SSBP2: variants seen among roughly 807,000 people sequenced by gnomAD.
The protein encoded by SSBP2 is single stranded DNA binding protein 2.
In SSBP2, 17 loss-of-function variants were observed where a neutral mutation model predicts 61.8. That is an observed-to-expected ratio of 0.28 (90% CI 0.19 to 0.41). SSBP2 has a LOEUF of 0.41. Among genes scored for constraint, SSBP2 ranks in the 10% least tolerant of loss-of-function variants. SSBP2 has a pLI of 1.00. For synonymous variants in SSBP2, 139 were observed against 141.3 expected, an observed-to-expected ratio of 0.98 and a Z score of 0.12; for missense variants, 310 against 458.7, an observed-to-expected ratio of 0.68 and a Z score of 2.96.
intron 4 of SSBP2, among the ~76,000 whole-genome samples, chr5:81,576,512 T>A (rs900887699): frequency 2.0e-5 from 3 of 152,068 alleles, no homozygotes; most frequent in Non-Finnish European, 4.4e-5. Context: ...ATCGCCTAGA[T>A]AATAAAAAGG....
chr5:81,694,990 ACT>A (rs768523681), intron 1 of SSBP2, among the ~76,000 whole-genome samples: 3 of 152,088 alleles, frequency 2.0e-5, no homozygotes, highest in Non-Finnish European at 4.4e-5. Context: ...ACAGAGCAAG[ACT>A]CTGCCTCTAA....
intron 5 of SSBP2, among the ~76,000 whole-genome samples, chr5:81,500,176 G>A (rs1417607659): frequency 1.3e-5 from 2 of 152,112 alleles, no homozygotes; most frequent in Admixed American, 1.3e-4. Context: ...TCTGAACTAT[G>A]TAAGATGGTA....
chr5:81,672,495 GA>G (rs1751652309), intron 1 of SSBP2, among the ~76,000 whole-genome samples: 1 of 151,306 alleles, frequency 6.6e-6, no homozygotes, highest in African/African-American at 2.4e-5. Flanking sequence ...ATCAACAAAT[GA>G]AAGAGAAAAA....
At chr5:81,615,681 A>G (rs1280220000) in intron 3 of SSBP2, 124 bp from the exon 4 acceptor site, 2 of 616,974 alleles carry the variant, frequency 3.2e-6, no homozygotes, top group African/African-American at 3.8e-5. Context: ...ACAGATATCT[A>G]TCTGAAAGAC....
intron 15 of SSBP2, 93 bp from the exon 16 acceptor site, chr5:81,428,776 G>T: frequency 1.2e-6 from 1 of 803,434 alleles, no homozygotes; most frequent in Non-Finnish European, 2.0e-6. Flanking sequence ...GCATCCCTAA[G>T]GACAAAGCAT....
chr5:81,727,502 T>A (rs1258865761), intron 1 of SSBP2, among the ~76,000 whole-genome samples: 1 of 151,918 alleles, frequency 6.6e-6, no homozygotes, highest in Non-Finnish European at 1.5e-5. Flanking sequence ...TGAGCTGAGA[T>A]CGCACCATTG....
At chr5:81,517,896 G>A (rs1769158284) in intron 4 of SSBP2, among the ~76,000 whole-genome samples, 1 of 151,774 alleles carries the variant, frequency 6.6e-6, no homozygotes. Flanking sequence ...TTGGTCTCTG[G>A]TAGGGAAAAA....
chr5:81,738,548 A>C (rs1288159014), intron 1 of SSBP2, among the ~76,000 whole-genome samples: 1 of 152,044 alleles, frequency 6.6e-6, no homozygotes, highest in Non-Finnish European at 1.5e-5. Context: ...TCTCAAACTA[A>C]ACTCATCATC....
chr5:81,736,910 GTTA>G (rs1756660565), intron 1 of SSBP2, among the ~76,000 whole-genome samples: 1 of 152,166 alleles, frequency 6.6e-6, no homozygotes, highest in South Asian at 2.1e-4. Flanking sequence ...AGAGTGGGCA[GTTA>G]TTAATTTAGT....
intron 1 of SSBP2, among the ~76,000 whole-genome samples, chr5:81,656,791 G>A (rs138148913): frequency 7.9e-5 from 12 of 151,420 alleles, no homozygotes; most frequent in African/African-American, 2.7e-4. Context: ...AATGAATGTA[G>A]CAAAAACTTT....
intron 9 of SSBP2, 75 bp downstream of exon 9, chr5:81,466,899 G>T: frequency 1.1e-6 from 1 of 914,146 alleles, no homozygotes; most frequent in South Asian, 2.4e-5. Flanking sequence ...TTACTAAATA[G>T]AATAATATGG....
At chr5:81,731,803 G>A (rs113582677) in intron 1 of SSBP2, among the ~76,000 whole-genome samples, 1 of 146,156 alleles carries the variant, frequency 6.8e-6, no homozygotes, top group Non-Finnish European at 1.5e-5. Flanking sequence ...AAACAGAATT[G>A]TCTTTTATTA....
rs538854803 is a variant in SSBP2, at chr5:81,710,182, G to A, written c.62+40799C>T. Among the ~76,000 whole-genome samples the A allele has an allele frequency of 2.6e-5, 4 of 152,150 alleles. No homozygotes were observed. The East Asian group carries it at 5.8e-4, about 22-fold the overall frequency. Reference sequence around the variant, plus strand: ...ACTGGCAAGCTTATAGGACACAATGGTAACCATGGTCCAATTATAATGGGT... The same window carrying A: ...ACTGGCAAGCTTATAGGACACAATGATAACCATGGTCCAATTATAATGGGT... On this transcript the variant is annotated intron_variant, in intron 1 of 16. Coordinates refer to ENST00000320672, the MANE Select transcript of SSBP2 (RefSeq NM_012446.5).
At chr5:81,643,097 G>A (rs1748936233) in intron 2 of SSBP2, among the ~76,000 whole-genome samples, 1 of 152,102 alleles carries the variant, frequency 6.6e-6, no homozygotes. Context: ...CTGCCATCAG[G>A]AGACACTAGC....
intron 6 of SSBP2, among the ~76,000 whole-genome samples, chr5:81,484,679 G>T (rs1053523684): frequency 6.6e-6 from 1 of 151,980 alleles, no homozygotes; most frequent in Admixed American, 6.6e-5. Flanking sequence ...ATATTAAACA[G>T]ATACATTTTA....
At chr5:81,623,818 T>C (rs1746872452) in intron 3 of SSBP2, among the ~76,000 whole-genome samples, 1 of 152,192 alleles carries the variant, frequency 6.6e-6, no homozygotes, top group Non-Finnish European at 1.5e-5. Context: ...ATTTCTATGT[T>C]TGCCTTTATG....
chr5:81,704,431 A>T (rs957447180), intron 1 of SSBP2, among the ~76,000 whole-genome samples: 1 of 152,184 alleles, frequency 6.6e-6, no homozygotes, highest in South Asian at 2.1e-4. Flanking sequence ...GCATACAGGC[A>T]CACATGCTCG....
intron 4 of SSBP2, among the ~76,000 whole-genome samples, chr5:81,523,573 T>G (rs1769668535): frequency 6.6e-6 from 1 of 152,034 alleles, no homozygotes; most frequent in Non-Finnish European, 1.5e-5. Context: ...ATTAAAAAAG[T>G]TAAATAGCAT....
At chr5:81,515,732 G>T (rs1339862119) in intron 4 of SSBP2, among the ~76,000 whole-genome samples, 1 of 151,196 alleles carries the variant, frequency 6.6e-6, no homozygotes, top group African/African-American at 2.4e-5. Flanking sequence ...TATATCATAT[G>T]CTAGGTTGGT....
Sources: allele counts gnomAD v4.1 joint callset (sites outside exome capture counted in the v4.1 genomes callset), GRCh38; gene constraint gnomAD v4.1.1; transcripts MANE v1.5; gene names NCBI Gene and HGNC (gene_info 2026-07-23, HGNC 2026-07-21).